Variants in PRKAR2A observed in about 807,000 individuals in gnomAD.
PRKAR2A encodes the protein cAMP-dependent protein kinase type II-alpha regulatory subunit.
A neutral mutation model predicts 51.9 loss-of-function variants in PRKAR2A; 29 were observed. The ratio of observed to expected loss-of-function variants is 0.56; its 90% CI spans 0.42 to 0.76. PRKAR2A has a LOEUF of 0.76. Among genes scored for constraint, PRKAR2A ranks in the 30% least tolerant of loss-of-function variants. The pLI is 0.00. For synonymous variants in PRKAR2A, 178 were observed against 186.2 expected, an observed-to-expected ratio of 0.96 and a Z score of 0.36; for missense variants, 445 against 512.1, an observed-to-expected ratio of 0.87 and a Z score of 1.26.
chr3:48,797,278 C>T (rs1473638707), intron 2 of PRKAR2A, among the ~76,000 whole-genome samples: 3 of 152,198 alleles, frequency 2.0e-5, no homozygotes, highest in East Asian at 3.9e-4. Flanking sequence ...AAGTGATTCT[C>T]CTGCCTCAGC....
chr3:48,815,956 T>C (rs1003249424), intron 1 of PRKAR2A, among the ~76,000 whole-genome samples: 5 of 149,960 alleles, frequency 3.3e-5, no homozygotes, highest in African/African-American at 9.8e-5. Context: ...AAGGTGGTGG[T>C]TGCAGTGAGC....
chr3:48,762,970 GA>G (rs2081885685), intron 8 of PRKAR2A, among the ~76,000 whole-genome samples: 1 of 152,032 alleles, frequency 6.6e-6, no homozygotes, highest in Non-Finnish European at 1.5e-5. Context: ...TGGTTTCCAG[GA>G]ATGTGAGTGT....
rs529923601 is a variant in PRKAR2A at position 48,769,634 on chromosome 3, G to A, written c.696+3321C>T. Among the ~76,000 whole-genome samples the A allele has an allele frequency of 3.9e-5, 6 of 152,100 alleles. No individual in the cohort carries two copies. The East Asian group carries it at 7.7e-4, about 20-fold the overall frequency. Reference sequence around the variant, plus strand: ...TAGGATTATAGGCATGCGCCACCATGCCCAGCTAATTTTGTATTTTTTAGT... The same window carrying A: ...TAGGATTATAGGCATGCGCCACCATACCCAGCTAATTTTGTATTTTTTAGT... On this transcript the variant is annotated intron_variant, in intron 6 of 10. Coordinates refer to ENST00000265563, the MANE Select transcript of PRKAR2A (RefSeq NM_004157.4).
chr3:48,791,285 TAAAAAAAAAAAAA>T (rs35380085), intron 3 of PRKAR2A, among the ~76,000 whole-genome samples: 67 of 43,780 alleles, frequency 1.5e-3, no homozygotes, highest in African/African-American at 6.0e-3. Flanking sequence ...GATTCCATCT[TAAAAAAAAAAAAA>T]AAAAAAAAAA....
At chr3:48,767,797 G>A (rs919507260) in intron 6 of PRKAR2A, among the ~76,000 whole-genome samples, 4 of 151,534 alleles carry the variant, frequency 2.6e-5, no homozygotes, top group African/African-American at 4.9e-5. Flanking sequence ...GGCGGCACGC[G>A]CCTGCAGTCC....
chr3:48,802,958 C>T (rs1331498666), intron 2 of PRKAR2A, among the ~76,000 whole-genome samples: 3 of 152,158 alleles, frequency 2.0e-5, no homozygotes, highest in Non-Finnish European at 4.4e-5. Context: ...CGTAAACTCA[C>T]AGGCAAGTGA....
At chr3:48,800,531 TACACACACAC>T (rs534797511) in intron 2 of PRKAR2A, among the ~76,000 whole-genome samples, 2 of 148,126 alleles carry the variant, frequency 1.4e-5, no homozygotes, top group Admixed American at 1.3e-4. Flanking sequence ...AAAAACTATA[TACACACACAC>T]ACACACACAC....
intron 1 of PRKAR2A, among the ~76,000 whole-genome samples, chr3:48,832,667 GA>G (rs941283593): frequency 4.6e-5 from 7 of 151,868 alleles, no homozygotes; most frequent in African/African-American, 1.7e-4. Context: ...ATTACAAAAC[GA>G]TTTTTTTTTT....
intron 9 of PRKAR2A, among the ~76,000 whole-genome samples, chr3:48,754,996 CTTTTTT>C (rs1279558575): frequency 7.9e-6 from 1 of 125,818 alleles, no homozygotes; most frequent in Admixed American, 7.9e-5. Flanking sequence ...TACTTATTAA[CTTTTTT>C]TTTTTTTTTT....
chr3:48,824,848 AG>A (rs576267505), intron 1 of PRKAR2A, among the ~76,000 whole-genome samples: 13 of 151,302 alleles, frequency 8.6e-5, no homozygotes, highest in African/African-American at 2.9e-4. Context: ...CAGGAGGCTG[AG>A]GTAGGAGAAT....
chr3:48,797,696 G>T (rs1418879830), intron 2 of PRKAR2A, among the ~76,000 whole-genome samples: 1 of 152,114 alleles, frequency 6.6e-6, no homozygotes, highest in Non-Finnish European at 1.5e-5. Flanking sequence ...GAAAAATTAG[G>T]GGGGATAGAG....
Position 48,773,011 on chromosome 3 carries a change from T to G in PRKAR2A, c.640A>C (p.Asn214His). The change falls in exon 6 of 11, where the codon AAC becomes CAC. Residue 214 changes from asparagine (N) to histidine (H), a missense_variant. Physicochemically the swap from Asn to His is moderately conservative, Grantham distance 68 (BLOSUM62 1). Coordinates refer to ENST00000265563, the MANE Select transcript of PRKAR2A (RefSeq NM_004157.4). The part of the protein sequence containing the change: ...GSFGELALMY[N>H]TPRAATIVAT... ...ACAATGGTAGCAGCTCTCGGGGTGT[T>G]GTACATCAGAGCTAGTTCTCCAAAA... 1 of 1,613,908 alleles carries G rather than the reference T, an allele frequency of 6.2e-7. No individual in the cohort carries two copies. Among genetic ancestry groups the G allele is most frequent in the Non-Finnish European group, 8.5e-7 (1 of 1,179,870 alleles).
At chr3:48,803,458 CTT>C (rs1247107424) in intron 2 of PRKAR2A, among the ~76,000 whole-genome samples, 1 of 152,102 alleles carries the variant, frequency 6.6e-6, no homozygotes, top group African/African-American at 2.4e-5. Context: ...GAGTCTTGCT[CTT>C]GTCACCCAGG....
At chr3:48,790,235 C>A (rs2082363093) in intron 4 of PRKAR2A, among the ~76,000 whole-genome samples, 1 of 151,930 alleles carries the variant, frequency 6.6e-6, no homozygotes, top group South Asian at 2.1e-4. Context: ...GAATGGCATG[C>A]CTTTTAAAAC....
At chr3:48,838,005 C>T (rs1244413638) in intron 1 of PRKAR2A, among the ~76,000 whole-genome samples, 1 of 151,774 alleles carries the variant, frequency 6.6e-6, no homozygotes, top group African/African-American at 2.4e-5. Context: ...AGGGAAACCC[C>T]ATCTCCACTA....
Position 48,751,440 on chromosome 3 carries a change from G to T in PRKAR2A, c.*145C>A. On this transcript the variant is annotated 3_prime_UTR_variant, in exon 11 of 11. Transcript: ENST00000265563. ...CCCATCCTTTAGTGCTGACTTTCAA[G>T]TTTTCTAAATGCCCATAACCACAGC... 1 of 1,256,312 alleles carries T rather than the reference G, an allele frequency of 8.0e-7. No individual in the cohort carries two copies. The highest frequency in any genetic ancestry group is 1.1e-6 in the Non-Finnish European group (1 of 880,776). 77.8% of individuals were successfully genotyped at this position (1,256,312 alleles called of 1,614,324 possible).
At chr3:48,759,107 T>C (rs1372286158) in intron 8 of PRKAR2A, among the ~76,000 whole-genome samples, 1 of 152,188 alleles carries the variant, frequency 6.6e-6, no homozygotes, top group Admixed American at 6.5e-5. Context: ...TAAAACCATG[T>C]TTTGATGATT....
intron 8 of PRKAR2A, among the ~76,000 whole-genome samples, chr3:48,759,460 C>T (rs2081829684): frequency 2.6e-5 from 4 of 151,284 alleles, no homozygotes; most frequent in African/African-American, 9.7e-5. Flanking sequence ...GATCTTGGCT[C>T]ACCACAACTT....
chr3:48,780,103 G>A (rs1048631642), intron 5 of PRKAR2A, among the ~76,000 whole-genome samples: 1 of 151,384 alleles, frequency 6.6e-6, no homozygotes, highest in African/African-American at 2.4e-5. Context: ...GGGTTGCAGT[G>A]AGCTGAGATC....
Sources: allele counts gnomAD v4.1 joint callset (sites outside exome capture counted in the v4.1 genomes callset), GRCh38; gene constraint gnomAD v4.1.1; transcripts MANE v1.5; gene names NCBI Gene and HGNC (gene_info 2026-07-23, HGNC 2026-07-21).